CACNB4: variants seen among roughly 807,000 people sequenced by gnomAD.
CACNB4 encodes calcium voltage-gated channel auxiliary subunit beta 4.
In CACNB4, 32 loss-of-function variants were observed where a neutral mutation model predicts 71.2. The observed-to-expected ratio is 0.45, with a 90% CI of 0.34 to 0.60. The LOEUF (loss-of-function observed/expected upper bound fraction) is 0.60. Among genes scored for constraint, CACNB4 ranks in the 20% least tolerant of loss-of-function variants. The pLI, the probability that CACNB4 is intolerant of heterozygous loss-of-function variation, is 0.01. For missense variants in CACNB4, 464 were observed against 647.9 expected, an observed-to-expected ratio of 0.72 and a Z score of 3.08; for synonymous variants, 231 against 236.9, an observed-to-expected ratio of 0.97 and a Z score of 0.23.
At chr2:151,893,510 G>A (rs1389245476) in intron 2 of CACNB4, among the ~76,000 whole-genome samples, 2 of 152,034 alleles carry the variant, frequency 1.3e-5, no homozygotes, top group African/African-American at 2.4e-5. Flanking sequence ...CCAAAGTGCC[G>A]AGATTACAGG....
rs373796511 is a variant in CACNB4 at position 151,923,095 on chromosome 2, G to C, written c.148-39725C>G. On this transcript the variant is annotated intron_variant, in intron 2 of 13. Transcript: ENST00000539935. ...GGTGTGAGGCAACAGGTGGAACCAT[G>C]GTGAAATGGAGAGCACATGAAAGTA... Among the ~76,000 whole-genome samples, 12 of 152,216 alleles carry C rather than the reference G, an allele frequency of 7.9e-5. No individual in the cohort carries two copies. The East Asian group carries it at 1.7e-3, about 22-fold the overall frequency.
chr2:151,854,976 T>C (rs1035018749), intron 11 of CACNB4: 12 of 327,580 alleles, frequency 3.7e-5, no homozygotes, highest in Non-Finnish European at 5.5e-5. Context: ...TCTTAATGTT[T>C]TGTTTCTATT....
chr2:152,000,825 G>A (rs970068147), intron 2 of CACNB4, among the ~76,000 whole-genome samples: 4 of 152,178 alleles, frequency 2.6e-5, no homozygotes, highest in Admixed American at 1.3e-4. Context: ...CTGCAGCGAG[G>A]ACTGATGCTC....
chr2:151,992,093 A>G (rs1681740405), intron 2 of CACNB4, among the ~76,000 whole-genome samples: 1 of 152,150 alleles, frequency 6.6e-6, no homozygotes, highest in Non-Finnish European at 1.5e-5. Flanking sequence ...ATTGGTGGAG[A>G]GGGCATTAAG....
At chr2:151,960,070 ATTATT>A (rs2099869258) in intron 2 of CACNB4, among the ~76,000 whole-genome samples, 2 of 152,132 alleles carry the variant, frequency 1.3e-5, no homozygotes, top group South Asian at 4.1e-4. Context: ...TTTTAAGTAG[ATTATT>A]TTAAGTCCTT....
intron 2 of CACNB4, among the ~76,000 whole-genome samples, chr2:151,913,360 G>A (rs905980813): frequency 8.5e-5 from 13 of 152,150 alleles, no homozygotes; most frequent in African/African-American, 2.2e-4. Context: ...GGGCAGGACT[G>A]GGGGTAACAA....
At chr2:151,918,055 G>A (rs2151560104) in intron 2 of CACNB4, among the ~76,000 whole-genome samples, 1 of 152,254 alleles carries the variant, frequency 6.6e-6, no homozygotes, top group East Asian at 1.9e-4. Context: ...AAAGGCTGGG[G>A]GGGAAAAGGG....
chr2:152,004,075 C>A (rs1435631010), intron 2 of CACNB4, among the ~76,000 whole-genome samples: 1 of 152,174 alleles, frequency 6.6e-6, no homozygotes, highest in Non-Finnish European at 1.5e-5. Context: ...CTGCCTCAGT[C>A]TCCAAAAGCG....
intron 2 of CACNB4, among the ~76,000 whole-genome samples, chr2:152,084,198 G>A (rs998646342): frequency 6.6e-6 from 1 of 152,190 alleles, no homozygotes; most frequent in South Asian, 2.1e-4. Context: ...AGGTCATGCT[G>A]CAGAAGCTGG....
chr2:151,982,056 C>T (rs2099874809), intron 2 of CACNB4, among the ~76,000 whole-genome samples: 2 of 152,102 alleles, frequency 1.3e-5, no homozygotes, highest in African/African-American at 4.8e-5. Context: ...AACATGGTGT[C>T]AGGTATGAAG....
intron 2 of CACNB4, among the ~76,000 whole-genome samples, chr2:152,020,763 G>A (rs1014478626): frequency 6.6e-6 from 1 of 152,126 alleles, no homozygotes; most frequent in Non-Finnish European, 1.5e-5. Flanking sequence ...CCCAGAGGAG[G>A]AAGCCGGGGA....
intron 2 of CACNB4, among the ~76,000 whole-genome samples, chr2:152,084,520 G>C (rs1046013154): frequency 6.6e-6 from 1 of 152,148 alleles, no homozygotes; most frequent in Admixed American, 6.5e-5. Flanking sequence ...AAGGTGTTAA[G>C]GTCCTATGTC....
At chr2:151,971,890 A>G (rs2099872646) in intron 2 of CACNB4, 1 of 408,600 alleles carries the variant, frequency 2.4e-6, no homozygotes, top group Admixed American at 3.7e-5. Context: ...CCTCACCTCC[A>G]CAGATGTGCA....
chr2:151,966,611 T>C (rs972864456), intron 2 of CACNB4, among the ~76,000 whole-genome samples: 1 of 152,082 alleles, frequency 6.6e-6, no homozygotes, highest in Non-Finnish European at 1.5e-5. Context: ...CTTTACCACA[T>C]GCTTTTCTAA....
chr2:151,834,854 T>C lies in CACNB4; in HGVS notation c.*4265A>G, dbSNP rs571308794. On this transcript the variant is annotated 3_prime_UTR_variant, in exon 14 of 14. Transcript: ENST00000539935. ...ACAGATTTTATTACATAATTTCCTATAAATTTTTCATTCATACAGTCATTC... is the reference window on the plus strand; with the variant it reads ...ACAGATTTTATTACATAATTTCCTACAAATTTTTCATTCATACAGTCATTC... The C allele has an allele frequency of 6.6e-6, 1 of 152,070 alleles. No individual in the cohort carries two copies. Among genetic ancestry groups the C allele is most frequent in the South Asian group, 2.1e-4 (1 of 4,830 alleles). The allele number at this position is 152,070 out of a possible 1,614,324, so 9.4% of individuals were successfully genotyped here. A position where few individuals can be genotyped will look rare whatever the true frequency, so the allele number is the denominator to read the frequency against.
chr2:151,920,716 T>C (rs1027601102), intron 2 of CACNB4, among the ~76,000 whole-genome samples: 1 of 152,144 alleles, frequency 6.6e-6, no homozygotes, highest in African/African-American at 2.4e-5. Context: ...AGAATTTCCA[T>C]CTAAACATGC....
At chr2:151,960,630 A>C (rs1327312529) in intron 2 of CACNB4, among the ~76,000 whole-genome samples, 2 of 152,180 alleles carry the variant, frequency 1.3e-5, no homozygotes, top group Non-Finnish European at 2.9e-5. Flanking sequence ...ACCATATCCC[A>C]GTGATGGGTT....
intron 2 of CACNB4, among the ~76,000 whole-genome samples, chr2:152,063,739 G>A (rs201777536): frequency 2.2e-4 from 34 of 152,254 alleles, no homozygotes; most frequent in African/African-American, 6.7e-4. Context: ...GCTGTGAGGC[G>A]GGGGGCAGGG....
intron 2 of CACNB4, among the ~76,000 whole-genome samples, chr2:152,018,668 T>C (rs904699982): frequency 1.3e-5 from 2 of 151,954 alleles, no homozygotes; most frequent in Admixed American, 1.3e-4. Flanking sequence ...CTGAGCGTGG[T>C]GGCAAGCACC....
Sources: allele counts gnomAD v4.1 joint callset (sites outside exome capture counted in the v4.1 genomes callset), GRCh38; gene constraint gnomAD v4.1.1; transcripts MANE v1.5; gene names NCBI Gene and HGNC (gene_info 2026-07-23, HGNC 2026-07-21).